DYM: variants seen among roughly 807,000 people sequenced by gnomAD.
The protein encoded by DYM is dyggve-Melchior-Clausen syndrome protein.
A neutral mutation model predicts 93.1 loss-of-function variants in DYM; 78 were observed. The ratio of observed to expected loss-of-function variants is 0.84; its 90% confidence interval spans 0.70 to 1.01. The LOEUF is 1.01. DYM is among the 50% of genes least tolerant of loss of function. DYM has a pLI of 0.00. For synonymous variants in DYM, 321 were observed against 319.7 expected (o/e 1.00, Z -0.04); for missense variants, 789 against 845.0 (o/e 0.93, Z 0.82).
chr18:49,225,050 C>G (rs932295036), intron 13 of DYM, among the ~76,000 whole-genome samples: 1 of 152,046 alleles, frequency 6.6e-6, no homozygotes, highest in African/African-American at 2.4e-5. Context: ...TGGTGACCAA[C>G]AATTCTTTTC....
intron 6 of DYM, among the ~76,000 whole-genome samples, chr18:49,337,680 G>C (rs75383528): frequency 0.011 from 1,682 of 152,280 alleles, 29 homozygotes; most frequent in African/African-American, 0.038. Flanking sequence ...CTAGTGAAGA[G>C]TCAGCGGAAT....
At chr18:49,078,579 A>C (rs913738718) in intron 17 of DYM, among the ~76,000 whole-genome samples, 1 of 151,590 alleles carries the variant, frequency 6.6e-6, no homozygotes, top group African/African-American at 2.4e-5. Context: ...GGATTCTTCT[A>C]CTCTCTTCAG....
At chr18:49,326,101 T>G (rs889023529) in intron 8 of DYM, among the ~76,000 whole-genome samples, 21 of 152,204 alleles carry the variant, frequency 1.4e-4, no homozygotes, top group Admixed American at 1.2e-3. Context: ...AGGTCCCACC[T>G]CATGTCTAAT....
chr18:49,090,039 G>A lies in DYM; in HGVS notation c.2025+7363C>T, dbSNP rs983892169. On this transcript the variant is annotated intron_variant, in intron 17 of 17. Transcript: ENST00000675505. ...TGTGCACGTGTGCATGTCAGACCAT[G>A]GAGTTCATAACATAAAATTTCTCAT... Among the ~76,000 whole-genome samples the A allele has an allele frequency of 7.2e-5, 11 of 152,274 alleles. No individual in the cohort carries two copies. The South Asian group carries it at 2.3e-3, about 32-fold the overall frequency.
chr18:49,207,090 T>C (rs1034951794), intron 14 of DYM, among the ~76,000 whole-genome samples: 4 of 152,154 alleles, frequency 2.6e-5, no homozygotes, highest in African/African-American at 9.7e-5. Context: ...TTTCTTTCAT[T>C]TTCTTTTATT....
At chr18:49,373,342 T>G (rs891732619) in intron 5 of DYM, among the ~76,000 whole-genome samples, 1 of 152,102 alleles carries the variant, frequency 6.6e-6, no homozygotes, top group Non-Finnish European at 1.5e-5. Context: ...GTTGCCCATT[T>G]TTATGGTTAT....
intron 17 of DYM, among the ~76,000 whole-genome samples, chr18:49,072,996 A>G (rs2077010245): frequency 6.6e-6 from 1 of 152,222 alleles, no homozygotes; most frequent in South Asian, 2.1e-4. Flanking sequence ...CCCTCGTCCA[A>G]CCAAAAACAA....
At chr18:49,432,329 C>CAAAAAAAAAAAA (rs11429840) in intron 1 of DYM, among the ~76,000 whole-genome samples, 7 of 75,824 alleles carry the variant, frequency 9.2e-5, no homozygotes, top group Non-Finnish European at 8.3e-5. Flanking sequence ...AAGACTGTCT[C>CAAAAAAAAAAAA]AAAAAAAAAA....
chr18:49,433,226 T>C (rs1482847513), intron 1 of DYM, among the ~76,000 whole-genome samples: 1 of 152,164 alleles, frequency 6.6e-6, no homozygotes, highest in Non-Finnish European at 1.5e-5. Context: ...CCTTATTCTG[T>C]GGAATGTTAC....
At chr18:49,399,807 G>A (rs1347631017) in intron 2 of DYM, among the ~76,000 whole-genome samples, 1 of 152,032 alleles carries the variant, frequency 6.6e-6, no homozygotes, top group Non-Finnish European at 1.5e-5. Flanking sequence ...TCATTACCAG[G>A]AGACAGAATT....
At chr18:49,172,294 CT>C (rs1224909438) in intron 14 of DYM, among the ~76,000 whole-genome samples, 5 of 152,144 alleles carry the variant, frequency 3.3e-5, no homozygotes, top group Non-Finnish European at 7.4e-5. Context: ...ATTAAGAAGG[CT>C]GCTGTAAACA....
intron 6 of DYM, among the ~76,000 whole-genome samples, chr18:49,362,939 T>C (rs1229243115): frequency 3.9e-5 from 6 of 152,254 alleles, no homozygotes; most frequent in Admixed American, 6.5e-5. Flanking sequence ...ATATTCTTAA[T>C]ATAGTTTCAC....
At chr18:49,153,578 TC>T (rs1354943601) in intron 15 of DYM, among the ~76,000 whole-genome samples, 1 of 151,882 alleles carries the variant, frequency 6.6e-6, no homozygotes, top group Non-Finnish European at 1.5e-5. Flanking sequence ...ATGAAAGAGC[TC>T]CCAATGGCCA....
chr18:49,383,842 GAA>G (rs2068290858), intron 3 of DYM, among the ~76,000 whole-genome samples: 1 of 152,154 alleles, frequency 6.6e-6, no homozygotes, highest in Admixed American at 6.5e-5. Flanking sequence ...TTAGTTTAAT[GAA>G]AAGGAGAAAA....
intron 15 of DYM, among the ~76,000 whole-genome samples, chr18:49,162,864 A>C (rs1158339526): frequency 6.6e-6 from 1 of 152,192 alleles, no homozygotes; most frequent in East Asian, 1.9e-4. Flanking sequence ...TGGGGTTGCT[A>C]TTTTAGGTCC....
intron 14 of DYM, among the ~76,000 whole-genome samples, chr18:49,196,945 A>G (rs1222560780): frequency 6.6e-5 from 10 of 152,084 alleles, no homozygotes; most frequent in African/African-American, 2.4e-4. Context: ...AAAAGTAGAG[A>G]TTTGATTTAT....
At chr18:49,058,856 C>CT (rs1001037361) in intron 17 of DYM, among the ~76,000 whole-genome samples, 34 of 151,842 alleles carry the variant, frequency 2.2e-4, no homozygotes, top group African/African-American at 7.0e-4. Context: ...TAGAACATAC[C>CT]TTTTTTTTTA....
chr18:49,420,263 G>A (rs1233998338), intron 2 of DYM, among the ~76,000 whole-genome samples: 5 of 151,136 alleles, frequency 3.3e-5, no homozygotes, highest in Non-Finnish European at 7.4e-5. Context: ...TGCCGCGCGG[G>A]TTCAAGTGAC....
chr18:49,297,049 A>G (rs935826414), intron 8 of DYM, among the ~76,000 whole-genome samples: 1 of 152,204 alleles, frequency 6.6e-6, no homozygotes, highest in African/African-American at 2.4e-5. Flanking sequence ...TGTACAAGTA[A>G]TAAGAATTTT....
Sources: gnomAD v4.1 joint callset for allele counts (sites outside exome capture counted in the v4.1 genomes callset) on GRCh38, gnomAD v4.1.1 for gene constraint, MANE v1.5 for transcripts, NCBI Gene and HGNC (gene_info 2026-07-23, HGNC 2026-07-21) for gene names.